AGBL4: variants seen among roughly 807,000 people sequenced by gnomAD.
AGBL4 encodes AGBL carboxypeptidase 4.
In AGBL4, 58 loss-of-function variants were observed where a neutral mutation model predicts 66.4. The observed-to-expected ratio is 0.87, with a 90% CI of 0.71 to 1.09. The LOEUF is 1.09. Among genes scored for constraint, AGBL4 ranks in the 50% least tolerant of loss-of-function variants. AGBL4 has a pLI of 0.00. For synonymous variants in AGBL4, 234 were observed against 222.9 expected (o/e 1.05, Z -0.44); for missense variants, 579 against 631.0 (o/e 0.92, Z 0.88).
intron 3 of AGBL4, among the ~76,000 whole-genome samples, chr1:49,650,718 CT>C (rs1645986011): frequency 6.6e-6 from 1 of 152,190 alleles, no homozygotes; most frequent in South Asian, 2.1e-4. Flanking sequence ...TGGGCTGCCC[CT>C]AGGAGATGGA....
chr1:48,820,148 T>C (rs944951617), intron 6 of AGBL4, among the ~76,000 whole-genome samples: 10 of 152,232 alleles, frequency 6.6e-5, no homozygotes, highest in Non-Finnish European at 1.5e-4. Flanking sequence ...TTCTCTGGGT[T>C]TTCTATTTGT....
chr1:48,883,696 T>C (rs1305663873), intron 5 of AGBL4, among the ~76,000 whole-genome samples: 1 of 152,208 alleles, frequency 6.6e-6, no homozygotes, highest in Non-Finnish European at 1.5e-5. Context: ...CACCATCGAA[T>C]CATAGTGCAC....
intron 3 of AGBL4, among the ~76,000 whole-genome samples, chr1:49,313,671 T>C (rs182066024): frequency 8.6e-4 from 131 of 152,348 alleles, no homozygotes; most frequent in Admixed American, 1.3e-3. Context: ...CATAAATGTC[T>C]TCTTTTGAGA....
chr1:49,097,068 T>C (rs1398393521), intron 4 of AGBL4, among the ~76,000 whole-genome samples: 1 of 152,186 alleles, frequency 6.6e-6, no homozygotes, highest in Non-Finnish European at 1.5e-5. Context: ...AGCTTCAGAA[T>C]TGTAAGAGAA....
intron 3 of AGBL4, among the ~76,000 whole-genome samples, chr1:49,326,337 T>A (rs1214985255): frequency 1.3e-5 from 2 of 152,196 alleles, no homozygotes; most frequent in Non-Finnish European, 2.9e-5. Flanking sequence ...TGAAAGGTCA[T>A]ACCTATTTTA....
rs376673523 is a variant in AGBL4 at position 49,183,202 on chromosome 1, T to C, written c.377+62568A>G. On this transcript the variant is annotated intron_variant, in intron 4 of 13. Transcript: ENST00000371839. ...CAAAGAAATGTAGACATTCCCTCTG[T>C]ATCCCAGACGGAATTCGAGGAGAGA... 3.4e-4 allele frequency among the ~76,000 whole-genome samples: 52 copies of C among 152,324 alleles called. 1 individual carries two copies. In the South Asian group the frequency reaches 9.5e-3, roughly 28 times the overall value.
intron 5 of AGBL4, among the ~76,000 whole-genome samples, chr1:48,869,324 C>T (rs988953411): frequency 6.6e-6 from 1 of 152,166 alleles, no homozygotes; most frequent in African/African-American, 2.4e-5. Context: ...CTTCTTCCTT[C>T]CCTAACACGG....
At chr1:49,081,266 C>A (rs1644804121) in intron 4 of AGBL4, among the ~76,000 whole-genome samples, 1 of 152,128 alleles carries the variant, frequency 6.6e-6, no homozygotes, top group Non-Finnish European at 1.5e-5. Context: ...ATAGAAAGAG[C>A]ATCCCATATA....
intron 4 of AGBL4, among the ~76,000 whole-genome samples, chr1:49,075,726 G>A (rs965133906): frequency 3.9e-5 from 6 of 152,138 alleles, no homozygotes; most frequent in Non-Finnish European, 8.8e-5. Flanking sequence ...CCTCAGGCAG[G>A]CTTCTATTAA....
At chr1:49,417,406 AAT>A (rs1046147601) in intron 3 of AGBL4, among the ~76,000 whole-genome samples, 4 of 152,140 alleles carry the variant, frequency 2.6e-5, no homozygotes, top group Non-Finnish European at 5.9e-5. Context: ...ATTTGTTCTT[AAT>A]ATGAGTAAAA....
intron 11 of AGBL4, among the ~76,000 whole-genome samples, chr1:48,579,882 C>A (rs537666102): frequency 1.4e-5 from 2 of 141,080 alleles, no homozygotes; most frequent in South Asian, 4.5e-4. Flanking sequence ...CGTGCCACTG[C>A]ACTCCAGCCT....
intron 6 of AGBL4, among the ~76,000 whole-genome samples, chr1:48,763,364 C>T (rs1644371838): frequency 6.6e-6 from 1 of 152,168 alleles, no homozygotes; most frequent in African/African-American, 2.4e-5. Context: ...AAAAGAGCAA[C>T]AGTTTCCCTC....
At chr1:48,575,210 C>T (rs1334680182) in intron 11 of AGBL4, among the ~76,000 whole-genome samples, 1 of 152,038 alleles carries the variant, frequency 6.6e-6, no homozygotes, top group African/African-American at 2.4e-5. Context: ...TGTCCAATAC[C>T]CAGTATTCCA....
chr1:49,594,126 T>C (rs1571129839), intron 3 of AGBL4, among the ~76,000 whole-genome samples: 1 of 152,174 alleles, frequency 6.6e-6, no homozygotes. Context: ...ATGAATACTG[T>C]ATTTTCAGTA....
intron 4 of AGBL4, among the ~76,000 whole-genome samples, chr1:49,053,030 A>G (rs1644247701): frequency 6.6e-6 from 1 of 152,112 alleles, no homozygotes; most frequent in African/African-American, 2.4e-5. Context: ...TTTGTTGTGA[A>G]GTTTGGAGAT....
At chr1:49,662,499 C>T (rs781495317) in intron 3 of AGBL4, among the ~76,000 whole-genome samples, 16 of 152,172 alleles carry the variant, frequency 1.1e-4, no homozygotes, top group Non-Finnish European at 1.9e-4. Context: ...ATTAAAAAGA[C>T]ATATACAGTG....
At chr1:49,549,796 C>G (rs1194619855) in intron 3 of AGBL4, among the ~76,000 whole-genome samples, 1 of 152,072 alleles carries the variant, frequency 6.6e-6, no homozygotes, top group Non-Finnish European at 1.5e-5. Flanking sequence ...CTGTTAAGTC[C>G]ATTTGTTCCA....
intron 4 of AGBL4, among the ~76,000 whole-genome samples, chr1:49,147,123 G>T (rs1475387869): frequency 6.6e-6 from 1 of 152,138 alleles, no homozygotes; most frequent in Non-Finnish European, 1.5e-5. Flanking sequence ...GGTGGGGTGG[G>T]GGAGGAGACA....
intron 3 of AGBL4, among the ~76,000 whole-genome samples, chr1:49,376,124 T>G (rs547424141): frequency 6.6e-6 from 1 of 152,290 alleles, no homozygotes; most frequent in Non-Finnish European, 1.5e-5. Flanking sequence ...AGCTCCATTC[T>G]TGCTGCAAAC....
Sources: gnomAD v4.1 joint callset for allele counts (sites outside exome capture counted in the v4.1 genomes callset) on GRCh38, gnomAD v4.1.1 for gene constraint, MANE v1.5 for transcripts, NCBI Gene and HGNC (gene_info 2026-07-23, HGNC 2026-07-21) for gene names.